The following DNAH6 variants were observed in gnomAD, a reference collection of about 807,000 sequenced individuals.
The protein encoded by DNAH6 is dynein axonemal heavy chain 6, also known as axonemal beta dynein heavy chain 6.
Under a neutral mutation model 491.4 loss-of-function variants are expected in DNAH6, and 340 were observed. The ratio of observed to expected loss-of-function variants is 0.69; its 90% confidence interval spans 0.63 to 0.76. The LOEUF (loss-of-function observed/expected upper bound fraction) is 0.76, where lower values mean the gene tolerates loss of function less well. Among genes scored for constraint, DNAH6 ranks in the 30% least tolerant of loss-of-function variants. DNAH6 has a pLI of 0.00. For synonymous variants in DNAH6, 1,603 were observed against 1,686.1 expected (o/e 0.95, Z 1.21); for missense variants, 4,443 against 4,972.2 (o/e 0.89, Z 3.20).
At chr2:84,589,860 T>G (rs933666943) in intron 16 of DNAH6, among the ~76,000 whole-genome samples, 7 of 151,802 alleles carry the variant, frequency 4.6e-5, no homozygotes, top group Non-Finnish European at 1.0e-4. Flanking sequence ...AAAGAAAATA[T>G]TCCTATGGTC....
intron 62 of DNAH6, among the ~76,000 whole-genome samples, chr2:84,733,787 A>T (rs1251287991): frequency 6.7e-6 from 1 of 149,312 alleles, no homozygotes; most frequent in Non-Finnish European, 1.5e-5. Context: ...TTTACTTTAT[A>T]TATATGTATA....
intron 18 of DNAH6, among the ~76,000 whole-genome samples, chr2:84,601,053 T>TTA (rs1685190455): frequency 6.7e-6 from 1 of 148,212 alleles, no homozygotes; most frequent in African/African-American, 2.5e-5. Flanking sequence ...AATAATAATG[T>TTA]TATTATTATA....
At chr2:84,469,692 CA>C in the DNAH6 span, among the ~76,000 whole-genome samples, 27 of 152,294 alleles carry the variant, frequency 1.8e-4, no homozygotes, top group East Asian at 5.2e-3. The surrounding 1 kb of genome is among the most constrained non-coding windows in gnomAD (Gnocchi z 4.0). Context: ...GCAGTCCCAT[CA>C]GCTCTCAAAT....
chr2:84,557,730 A>T lies in DNAH6; in HGVS notation c.1603-5A>T. The T allele has an allele frequency of 6.7e-7, 1 of 1,499,474 alleles. No individual in the cohort carries two copies. Among genetic ancestry groups the T allele is most frequent in the Non-Finnish European group, 9.1e-7 (1 of 1,102,516 alleles). 92.9% of individuals were successfully genotyped at this position (1,499,474 alleles called of 1,614,324 possible). On this transcript the variant is annotated splice_region_variant and splice_polypyrimidine_tract_variant and intron_variant, in intron 10 of 76. Transcript: ENST00000389394. ...CATTTATGTTTATGCTTTTCTCTTT[A>T]ACAGGATGGTATTTTGGGTGCAGTT... is the stretch of plus-strand genomic sequence containing the variant.
At chr2:84,493,885 GT>G in the DNAH6 span, among the ~76,000 whole-genome samples, 1 of 152,176 alleles carries the variant, frequency 6.6e-6, no homozygotes, top group African/African-American at 2.4e-5. Context: ...TAGGCTGTTT[GT>G]TCAGTTTGAA....
intron 12 of DNAH6, 48 bp downstream of exon 12, chr2:84,573,635 G>A (rs1409310742): frequency 6.8e-7 from 1 of 1,469,616 alleles, no homozygotes; most frequent in East Asian, 2.6e-5. Flanking sequence ...GGGATACTGA[G>A]ATTTGTTGTT....
chr2:84,623,400 A>C (rs1284846676), intron 26 of DNAH6, among the ~76,000 whole-genome samples: 2 of 152,182 alleles, frequency 1.3e-5, no homozygotes, highest in African/African-American at 4.8e-5. Flanking sequence ...CTTCCAAGCA[A>C]TACTACATTT....
At chr2:84,543,553 G>A (rs566816739) in intron 4 of DNAH6, among the ~76,000 whole-genome samples, 1 of 152,182 alleles carries the variant, frequency 6.6e-6, no homozygotes, top group African/African-American at 2.4e-5. Flanking sequence ...TTTTGCTGTA[G>A]GAAAAATTTT....
At chr2:84,463,754 G>T in the DNAH6 span, among the ~76,000 whole-genome samples, 1 of 152,166 alleles carries the variant, frequency 6.6e-6, no homozygotes, top group Non-Finnish European at 1.5e-5. Flanking sequence ...TGACAAGACT[G>T]AGCTAAGTAA....
At position 84,658,370 on chromosome 2, in the gene DNAH6, AAG is replaced by A. The variant is rs759822627; in HGVS notation, c.5837_5838del (p.Lys1946MetfsTer31). 1.3e-6 allele frequency: 2 copies of A among 1,549,188 alleles called. No individual in the cohort carries two copies. Among genetic ancestry groups the A allele is most frequent in the African/African-American group, 2.7e-5 (2 of 73,034 alleles). On this transcript the variant is annotated frameshift_variant, in exon 36 of 77. Coordinates refer to ENST00000389394, the MANE Select transcript of DNAH6 (RefSeq NM_001370.2). LOFTEE classifies it high-confidence loss of function. The part of the protein sequence containing the change: ...VDEGLHFINK[K>X]CSQAIPQVDI... ...TGAAGGTTTACATTTTATCAATAAA[AAG>A]TGCAGCCAAGCAATTCCACAAGTGG...
At chr2:84,658,508 A>G in intron 36 of DNAH6, 34 bp downstream of exon 36, 1 of 1,342,934 alleles carries the variant, frequency 7.4e-7, no homozygotes, top group Non-Finnish European at 9.8e-7. Flanking sequence ...ATGAAGCTAG[A>G]AAAATTAGAT....
chr2:84,468,622 A>G, the DNAH6 span, among the ~76,000 whole-genome samples: 1 of 152,218 alleles, frequency 6.6e-6, no homozygotes, highest in African/African-American at 2.4e-5. Flanking sequence ...AAGGTCACGC[A>G]TATATTAAAT....
At chr2:84,525,336 T>C (rs535518010) in intron 2 of DNAH6, among the ~76,000 whole-genome samples, 13 of 152,026 alleles carry the variant, frequency 8.6e-5, no homozygotes, top group Non-Finnish European at 1.9e-4. Flanking sequence ...TAAGTATTCA[T>C]TGATAATTTC....
At chr2:84,762,346 G>A (rs1319318750) in intron 63 of DNAH6, among the ~76,000 whole-genome samples, 3 of 152,082 alleles carry the variant, frequency 2.0e-5, no homozygotes, top group African/African-American at 7.2e-5. Context: ...TTTTAAGGAT[G>A]GAATATAGTA....
intron 62 of DNAH6, among the ~76,000 whole-genome samples, chr2:84,740,076 T>G (rs1672369002): frequency 6.6e-6 from 1 of 151,994 alleles, no homozygotes; most frequent in Non-Finnish European, 1.5e-5. Context: ...GTTTTTCCCT[T>G]GGGGGTATGA....
intron 62 of DNAH6, among the ~76,000 whole-genome samples, chr2:84,735,922 C>A (rs560730162): frequency 6.6e-6 from 1 of 152,196 alleles, no homozygotes; most frequent in Non-Finnish European, 1.5e-5. Context: ...CTTTTGGACT[C>A]TTCATCATAA....
chr2:84,597,248 A>G (rs1183525571), intron 18 of DNAH6, among the ~76,000 whole-genome samples: 1 of 152,338 alleles, frequency 6.6e-6, no homozygotes. Flanking sequence ...ATGTAGTTGT[A>G]CCTAAAATAT....
chr2:84,699,151 A>G (rs1456419331), intron 47 of DNAH6, among the ~76,000 whole-genome samples: 1 of 152,078 alleles, frequency 6.6e-6, no homozygotes, highest in Admixed American at 6.6e-5. Flanking sequence ...CTTTGTAACA[A>G]ACCTACACAT....
At chr2:84,680,712 G>A (rs1693698760) in intron 41 of DNAH6, among the ~76,000 whole-genome samples, 1 of 152,020 alleles carries the variant, frequency 6.6e-6, no homozygotes, top group African/African-American at 2.4e-5. Context: ...AGAGGCCAGA[G>A]TGAAGGAGAG....
Sources: allele counts gnomAD v4.1 joint callset (sites outside exome capture counted in the v4.1 genomes callset), GRCh38; gene constraint gnomAD v4.1.1; non-coding constraint Gnocchi (gnomAD v3.1); transcripts MANE v1.5; gene names NCBI Gene and HGNC (gene_info 2026-07-23, HGNC 2026-07-21).